The following UTS2B variants were observed in gnomAD, a reference collection of about 807,000 sequenced individuals.
UTS2B encodes the protein urotensin-2B.
A neutral mutation model predicts 19.2 loss-of-function variants in UTS2B; 21 were observed. That is an observed-to-expected ratio of 1.09 (90% CI 0.78 to 1.58). The LOEUF is 1.58. Ranked by LOEUF, UTS2B falls within the 40% of genes most tolerant of loss-of-function variation. The pLI is 0.00. For missense variants in UTS2B, 138 were observed against 130.3 expected, an observed-to-expected ratio of 1.06 and a Z score of -0.29; for synonymous variants, 57 against 50.2, an observed-to-expected ratio of 1.14 and a Z score of -0.58.
upstream of UTS2B, among the ~76,000 whole-genome samples, chr3:191,335,026 T>C (rs1435940106): frequency 6.6e-6 from 1 of 152,196 alleles, no homozygotes; most frequent in East Asian, 1.9e-4. Context: ...AAGAGGCTAA[T>C]ATTTAAAGGT....
intron 4 of UTS2B, among the ~76,000 whole-genome samples, chr3:191,301,769 G>A (rs915963813): frequency 6.6e-6 from 1 of 152,136 alleles, no homozygotes; most frequent in Admixed American, 6.5e-5. Flanking sequence ...GATTACAGGC[G>A]TGAGCCACCA....
At chr3:191,275,509 C>T (rs1576913448) in intron 7 of UTS2B, among the ~76,000 whole-genome samples, 164 bp from the exon 8 acceptor site, 2 of 151,970 alleles carry the variant, frequency 1.3e-5, no homozygotes, top group South Asian at 2.1e-4. Context: ...TGAAACTCCG[C>T]CTCTACTAAA....
upstream of UTS2B, among the ~76,000 whole-genome samples, chr3:191,333,037 A>G (rs533368585): frequency 6.6e-6 from 1 of 152,036 alleles, no homozygotes; most frequent in East Asian, 1.9e-4. Context: ...AGTTCTCTCA[A>G]TCTCATTTTT....
chr3:191,303,002 C>A (rs293863), intron 4 of UTS2B, among the ~76,000 whole-genome samples: 6 of 152,050 alleles, frequency 3.9e-5, no homozygotes, highest in East Asian at 3.9e-4. Flanking sequence ...CGAAGATTAA[C>A]TAACAGGAAA....
At chr3:191,270,084 C>T (rs1410349194) in intron 8 of UTS2B, among the ~76,000 whole-genome samples, 2 of 152,192 alleles carry the variant, frequency 1.3e-5, no homozygotes, top group African/African-American at 4.8e-5. Flanking sequence ...AAGAAAGGTA[C>T]AATATTTCAC....
At chr3:191,301,292 C>T (rs1387403095) in intron 4 of UTS2B, among the ~76,000 whole-genome samples, 1 of 152,096 alleles carries the variant, frequency 6.6e-6, no homozygotes, top group African/African-American at 2.4e-5. Context: ...CCTGGCTTTG[C>T]AAAATGCCAT....
chr3:191,322,387 A>G (rs1717634308), intron 2 of UTS2B, among the ~76,000 whole-genome samples: 1 of 152,356 alleles, frequency 6.6e-6, no homozygotes, highest in Non-Finnish European at 1.5e-5. Context: ...AAGTAGACCT[A>G]TCTTGGTTAA....
chr3:191,338,298 A>G, the UTS2B span, among the ~76,000 whole-genome samples: 2 of 152,300 alleles, frequency 1.3e-5, no homozygotes, highest in South Asian at 4.1e-4. Context: ...CTTTTATATT[A>G]TGAAGGTCTG....
Position 191,275,328 on chromosome 3 carries a change from T to C in UTS2B, c.258A>G (p.Glu86=). 6.2e-7 allele frequency: 1 copy of C among 1,613,422 alleles called. No individual in the cohort carries two copies. The highest frequency in any genetic ancestry group is 8.5e-7 in the Non-Finnish European group (1 of 1,179,434). The change falls in exon 8 of 9, where the codon GAA becomes GAG. Residue 86 remains glutamate, a synonymous_variant. Coordinates refer to ENST00000340524, the MANE Select transcript of UTS2B (RefSeq NM_198152.5). The part of the protein sequence containing the change: ...EELNQLEKLK[E]QLVEEKDSET... The stretch of plus-strand genomic sequence containing the variant: ...CAGAATCCTTCTCCTCCACTAGCTG[T>C]TCTTTTAGCTTTTCCAGCTGATAAA...
At chr3:191,314,867 C>A (rs1376405034) in intron 3 of UTS2B, among the ~76,000 whole-genome samples, 1 of 152,150 alleles carries the variant, frequency 6.6e-6, no homozygotes, top group African/African-American at 2.4e-5. Flanking sequence ...ATGGGGCTCC[C>A]AGGGAGGGCA....
intron 5 of UTS2B, among the ~76,000 whole-genome samples, chr3:191,281,850 T>C (rs1431394379): frequency 6.6e-6 from 1 of 151,850 alleles, no homozygotes; most frequent in East Asian, 1.9e-4. Context: ...ATAGTTGAAG[T>C]GAATTTAGTG....
chr3:191,316,714 A>T, intron 2 of UTS2B, among the ~76,000 whole-genome samples: 1 of 152,130 alleles, frequency 6.6e-6, no homozygotes, highest in Non-Finnish European at 1.5e-5. Context: ...AAGTTCTCCA[A>T]GTCCCCACTT....
At chr3:191,335,733 C>A in the UTS2B span, among the ~76,000 whole-genome samples, 3 of 152,074 alleles carry the variant, frequency 2.0e-5, no homozygotes, top group Non-Finnish European at 4.4e-5. Context: ...CAGTGTATTA[C>A]CGGTCTTGTT....
chr3:191,281,728 C>A (rs1332997110), intron 5 of UTS2B, among the ~76,000 whole-genome samples: 1 of 150,606 alleles, frequency 6.6e-6, no homozygotes, highest in Admixed American at 6.7e-5. Context: ...TTCCTTTCCC[C>A]AAGATAGAGT....
In UTS2B at chr3:191,282,256, C is replaced by A; in HGVS notation, c.-67G>T. ...CAGGTCAAGATGGATATTTCTATAG[C>A]TTTGGAATTCAGTAGAGCTTAGTTG... On this transcript the variant is annotated 5_prime_UTR_variant, in exon 5 of 9. Transcript: ENST00000340524. 1 of 1,238,534 alleles carries A rather than the reference C, an allele frequency of 8.1e-7. No homozygotes were observed. The highest frequency in any genetic ancestry group is 1.1e-6 in the Non-Finnish European group (1 of 875,868). 76.7% of individuals were successfully genotyped at this position (1,238,534 alleles called of 1,614,324 possible).
At chr3:191,280,335 A>T (rs1716351118) in intron 5 of UTS2B, among the ~76,000 whole-genome samples, 1 of 152,150 alleles carries the variant, frequency 6.6e-6, no homozygotes, top group African/African-American at 2.4e-5. Context: ...TATGGTCCCT[A>T]CCAGATGTAA....
At chr3:191,269,565 T>C (rs1207112723) in intron 8 of UTS2B, among the ~76,000 whole-genome samples, 1 of 151,900 alleles carries the variant, frequency 6.6e-6, no homozygotes, top group Admixed American at 6.6e-5. Flanking sequence ...TGGACCACAG[T>C]GGCTATTCAC....
intron 8 of UTS2B, among the ~76,000 whole-genome samples, chr3:191,270,967 A>G (rs1369457411): frequency 6.6e-6 from 1 of 152,082 alleles, no homozygotes; most frequent in African/African-American, 2.4e-5. Flanking sequence ...GCACTTTGGG[A>G]GGACGAGGCT....
intron 3 of UTS2B, among the ~76,000 whole-genome samples, chr3:191,310,905 T>A (rs1196911535): frequency 2.0e-5 from 3 of 151,930 alleles, no homozygotes; most frequent in African/African-American, 7.3e-5. Context: ...AAATATATTA[T>A]TTATTTGTTA....
Sources: gnomAD v4.1 joint callset for allele counts (sites outside exome capture counted in the v4.1 genomes callset) on GRCh38, gnomAD v4.1.1 for gene constraint, MANE v1.5 for transcripts, NCBI Gene and HGNC (gene_info 2026-07-23, HGNC 2026-07-21) for gene names.